The following FMN1 variants were observed in gnomAD, a reference collection of about 807,000 sequenced individuals.
FMN1 encodes the protein formin-1.
FMN1 carries 110 observed loss-of-function variants against 132.4 expected under a neutral mutation model. That is an observed-to-expected ratio of 0.83 (90% confidence interval 0.71 to 0.97). The LOEUF (loss-of-function observed/expected upper bound fraction) is 0.97, where lower values mean the gene tolerates loss of function less well. Among genes scored for constraint, FMN1 ranks in the 50% least tolerant of loss-of-function variants. FMN1 has a pLI of 0.00. For missense variants in FMN1, 1,792 were observed against 1,705.3 expected, an observed-to-expected ratio of 1.05 and a Z score of -0.90; for synonymous variants, 722 against 651.7, an observed-to-expected ratio of 1.11 and a Z score of -1.64.
intron 9 of FMN1, among the ~76,000 whole-genome samples, chr15:32,942,847 G>A (rs1165613666): frequency 6.6e-6 from 1 of 152,104 alleles, no homozygotes; most frequent in Non-Finnish European, 1.5e-5. Context: ...GCACTTCAGG[G>A]AACTAAGGGC....
At chr15:32,874,507 G>C (rs2059593696) in intron 16 of FMN1, among the ~76,000 whole-genome samples, 1 of 152,142 alleles carries the variant, frequency 6.6e-6, no homozygotes, top group African/African-American at 2.4e-5. Flanking sequence ...CAGTCAGGAA[G>C]GGCTTTGCAG....
chr15:33,093,883 A>C (rs1210029147), intron 4 of FMN1, among the ~76,000 whole-genome samples: 1 of 152,180 alleles, frequency 6.6e-6, no homozygotes, highest in Non-Finnish European at 1.5e-5. Context: ...ATTCAAATAA[A>C]ATAAAACAAA....
At chr15:32,900,882 G>A (rs1248123548) in intron 13 of FMN1, among the ~76,000 whole-genome samples, 6 of 152,048 alleles carry the variant, frequency 3.9e-5, no homozygotes, top group Non-Finnish European at 7.4e-5. Context: ...GGCTGGGCAC[G>A]GTGGCTCACG....
intron 6 of FMN1, among the ~76,000 whole-genome samples, chr15:33,055,615 A>AAC (rs1413954483): frequency 2.0e-5 from 3 of 151,992 alleles, no homozygotes; most frequent in South Asian, 4.2e-4. Flanking sequence ...TAGACAAAAA[A>AAC]AAACAAACAA....
At chr15:33,171,845 T>C (rs1330054243) in intron 3 of FMN1, among the ~76,000 whole-genome samples, 2 of 152,232 alleles carry the variant, frequency 1.3e-5, no homozygotes, top group Admixed American at 6.5e-5. Context: ...CAACTGTGTG[T>C]ACATATCACT....
intron 4 of FMN1, among the ~76,000 whole-genome samples, chr15:33,142,565 C>T (rs1964051390): frequency 1.3e-5 from 2 of 152,182 alleles, no homozygotes; most frequent in African/African-American, 2.4e-5. Flanking sequence ...AAACCCATCC[C>T]ATAACCCATC....
intron 16 of FMN1, among the ~76,000 whole-genome samples, chr15:32,868,920 T>C (rs2059453498): frequency 6.6e-6 from 1 of 152,078 alleles, no homozygotes; most frequent in African/African-American, 2.4e-5. Context: ...AACAAGGAAA[T>C]GAACAAATTG....
intron 17 of FMN1, among the ~76,000 whole-genome samples, chr15:32,820,412 C>T (rs1475156221): frequency 2.0e-5 from 3 of 152,062 alleles, no homozygotes; most frequent in East Asian, 1.9e-4. Context: ...CAAAATTAAT[C>T]CTTAACTAAT....
chr15:32,889,861 T>A (rs2059984055), intron 15 of FMN1, among the ~76,000 whole-genome samples: 1 of 152,086 alleles, frequency 6.6e-6, no homozygotes, highest in Non-Finnish European at 1.5e-5. Context: ...GAAATTTTGG[T>A]TCCCCTATCG....
intron 4 of FMN1, among the ~76,000 whole-genome samples, chr15:33,106,390 T>C (rs2039488982): frequency 6.6e-6 from 1 of 151,934 alleles, no homozygotes; most frequent in Non-Finnish European, 1.5e-5. Flanking sequence ...AAAGTCAGCT[T>C]TCTTCAATGT....
At chr15:32,979,693 T>C (rs2032498293) in intron 7 of FMN1, among the ~76,000 whole-genome samples, 2 of 152,052 alleles carry the variant, frequency 1.3e-5, no homozygotes, top group Admixed American at 6.6e-5. Flanking sequence ...AGTGCTATTA[T>C]TTTTACTATT....
intron 4 of FMN1, among the ~76,000 whole-genome samples, chr15:33,128,628 T>C (rs1434446272): frequency 1.3e-5 from 2 of 152,234 alleles, no homozygotes; most frequent in African/African-American, 4.8e-5. Context: ...CGGCAAGTGT[T>C]ACAGCTCTTA....
At chr15:32,783,916 G>C (rs1315911402) in intron 19 of FMN1, among the ~76,000 whole-genome samples, 1 of 152,102 alleles carries the variant, frequency 6.6e-6, no homozygotes, top group Non-Finnish European at 1.5e-5. Flanking sequence ...GCTAAATCAA[G>C]TCAATTTTCA....
intron 19 of FMN1, among the ~76,000 whole-genome samples, chr15:32,797,230 T>A (rs76950978): frequency 0.018 from 2,746 of 152,318 alleles, 40 homozygotes; most frequent in South Asian, 0.03. Context: ...TATAAAGCAA[T>A]TAATTGCCTT....
intron 17 of FMN1, among the ~76,000 whole-genome samples, chr15:32,820,147 C>T (rs1475685998): frequency 6.6e-6 from 1 of 152,092 alleles, no homozygotes; most frequent in Non-Finnish European, 1.5e-5. Flanking sequence ...CTAAAAACTC[C>T]CTGTATTGTA....
At position 33,117,756 on chromosome 15, in the gene FMN1, G is replaced by A. The variant is rs2444954; in HGVS notation, c.1868-28782C>T. 3.6e-3 allele frequency among the ~76,000 whole-genome samples: 542 copies of A among 152,228 alleles called. 4 individuals carry two copies. The highest frequency in any genetic ancestry group is 0.012 in the African/African-American group (519 of 41,542). The stretch of plus-strand genomic sequence containing the variant: ...TTGTACTCTCTTGATGAGACAGAAG[G>A]AACACAAAGATTAATATTGCCTCAA... On this transcript the variant is annotated intron_variant, in intron 4 of 20. Transcript: ENST00000616417.
At chr15:33,079,302 C>T (rs1044181407) in intron 5 of FMN1, among the ~76,000 whole-genome samples, 10 of 152,186 alleles carry the variant, frequency 6.6e-5, no homozygotes, top group Non-Finnish European at 1.3e-4. Context: ...ATAATTTAGC[C>T]AAGCTTTTTA....
intron 5 of FMN1, among the ~76,000 whole-genome samples, chr15:33,088,494 A>G (rs1270323745): frequency 6.6e-6 from 1 of 152,224 alleles, no homozygotes; most frequent in African/African-American, 2.4e-5. Flanking sequence ...AGAAGTGACT[A>G]GCAACCAGTG....
chr15:32,795,635 T>C (rs2057262914), intron 19 of FMN1, among the ~76,000 whole-genome samples: 1 of 151,716 alleles, frequency 6.6e-6, no homozygotes, highest in Non-Finnish European at 1.5e-5. Flanking sequence ...TGTTTTCAGC[T>C]CTCTGTCTCC....
Sources: allele counts gnomAD v4.1 joint callset (sites outside exome capture counted in the v4.1 genomes callset), GRCh38; gene constraint gnomAD v4.1.1; transcripts MANE v1.5; gene names NCBI Gene and HGNC (gene_info 2026-07-23, HGNC 2026-07-21).